ASCC3: variants seen among roughly 807,000 people sequenced by gnomAD.
ASCC3 encodes ASC-1 complex subunit P200.
Under a neutral mutation model 256.3 loss-of-function variants are expected in ASCC3, and 158 were observed. The observed-to-expected ratio is 0.62, with a 90% CI of 0.54 to 0.70. The LOEUF is 0.70. Ranked by LOEUF, ASCC3 falls within the 30% of genes least tolerant of loss-of-function variation. The probability of loss-of-function intolerance (pLI) is 0.00; values close to 1 mark genes in which losing one functional copy is unlikely to be tolerated. For missense variants in ASCC3, 2,259 were observed against 2,626.0 expected, an observed-to-expected ratio of 0.86 and a Z score of 3.05; for synonymous variants, 948 against 883.4, an observed-to-expected ratio of 1.07 and a Z score of -1.30.
At chr6:100,652,027 G>A (rs1377537477) in intron 18 of ASCC3, among the ~76,000 whole-genome samples, 1 of 151,998 alleles carries the variant, frequency 6.6e-6, no homozygotes, top group Non-Finnish European at 1.5e-5. Flanking sequence ...ATAAAATTCA[G>A]AGATGTATAT....
At chr6:100,825,273 A>AT (rs71028036) in intron 4 of ASCC3, among the ~76,000 whole-genome samples, 12,122 of 141,278 alleles carry the variant, frequency 0.086, 566 homozygotes, top group African/African-American at 0.1. Flanking sequence ...TTCTTTTGTG[A>AT]TTTTTTTTTT....
intron 10 of ASCC3, among the ~76,000 whole-genome samples, chr6:100,731,183 A>G (rs1053016168): frequency 1.3e-5 from 2 of 152,172 alleles, no homozygotes; most frequent in African/African-American, 4.8e-5. Flanking sequence ...AAATGCTGGG[A>G]ATTGGGGAGA....
rs1162182659 is a variant in ASCC3, at chr6:100,662,553, C to T, written c.2287-17G>A. The T allele has an allele frequency of 9.3e-6, 15 of 1,610,214 alleles. No individual in the cohort carries two copies. Among genetic ancestry groups the T allele is most frequent in the Admixed American group, 6.7e-5 (4 of 59,812 alleles). On this transcript the variant is annotated splice_polypyrimidine_tract_variant and intron_variant, in intron 14 of 41. Coordinates refer to ENST00000369162, the MANE Select transcript of ASCC3 (RefSeq NM_006828.4). ...CCTTTGTACCTAGATACCAAGAAAG[C>T]GTAAGAGTATTATTTAGCATTTAAA...
chr6:100,699,427 C>T (rs779770185), intron 13 of ASCC3, among the ~76,000 whole-genome samples: 1 of 152,102 alleles, frequency 6.6e-6, no homozygotes, highest in Non-Finnish European at 1.5e-5. Context: ...GCCTCCTCAG[C>T]CATGTGGAAC....
chr6:100,825,749 T>C (rs968327232), intron 4 of ASCC3, among the ~76,000 whole-genome samples: 6 of 152,144 alleles, frequency 3.9e-5, no homozygotes, highest in African/African-American at 1.4e-4. Flanking sequence ...CAATCAAATG[T>C]AGATTTGGTA....
intron 36 of ASCC3, among the ~76,000 whole-genome samples, chr6:100,580,718 G>A (rs1771182662): frequency 6.6e-6 from 1 of 151,000 alleles, no homozygotes; most frequent in Admixed American, 6.6e-5. Context: ...ATCTCCCAAT[G>A]CTATCCTTCT....
At chr6:100,737,217 T>C (rs1005728199) in intron 10 of ASCC3, among the ~76,000 whole-genome samples, 1 of 88,546 alleles carries the variant, frequency 1.1e-5, no homozygotes, top group African/African-American at 3.9e-5. Context: ...CATTCTATGA[T>C]CAGGACTCAA....
chr6:100,588,090 T>C (rs1281598412), intron 36 of ASCC3, among the ~76,000 whole-genome samples: 2 of 152,158 alleles, frequency 1.3e-5, no homozygotes, highest in African/African-American at 2.4e-5. Context: ...TCAGGGCCCA[T>C]ACTCTGGTGC....
intron 10 of ASCC3, among the ~76,000 whole-genome samples, chr6:100,748,511 T>C (rs1332942625): frequency 1.3e-5 from 2 of 152,056 alleles, no homozygotes; most frequent in Admixed American, 1.3e-4. Flanking sequence ...AAAATGTTTT[T>C]AAGGTAAATT....
intron 3 of ASCC3, among the ~76,000 whole-genome samples, chr6:100,861,502 G>A (rs1562352022): frequency 1.3e-5 from 2 of 152,086 alleles, no homozygotes; most frequent in Non-Finnish European, 2.9e-5. Context: ...TTTTCCACAT[G>A]AGACTAATCC....
intron 10 of ASCC3, among the ~76,000 whole-genome samples, chr6:100,741,821 C>T (rs74714648): frequency 0.015 from 2,211 of 152,266 alleles, 46 homozygotes; most frequent in African/African-American, 0.051. Context: ...TACTAGGCTA[C>T]AACATGCTCC....
intron 10 of ASCC3, among the ~76,000 whole-genome samples, chr6:100,757,995 C>G (rs896169821): frequency 6.6e-6 from 1 of 152,154 alleles, no homozygotes; most frequent in African/African-American, 2.4e-5. Context: ...TCCCAACTCA[C>G]TGTGTGTGAA....
chr6:100,700,164 A>G (rs1778283879), intron 13 of ASCC3, among the ~76,000 whole-genome samples: 1 of 151,972 alleles, frequency 6.6e-6, no homozygotes, highest in African/African-American at 2.4e-5. Context: ...AGGAGGAAAA[A>G]GTGGTTTTGT....
At chr6:100,640,494 G>A (rs1055077714) in intron 24 of ASCC3, among the ~76,000 whole-genome samples, 1 of 152,082 alleles carries the variant, frequency 6.6e-6, no homozygotes, top group Admixed American at 6.6e-5. Context: ...TTGGTCATTT[G>A]GCAGACAAAA....
In ASCC3 at chr6:100,637,492, G is replaced by C. The variant is rs543313795; in HGVS notation, c.4122+1109C>G. On this transcript the variant is annotated intron_variant, in intron 25 of 41. Coordinates refer to ENST00000369162, the MANE Select transcript of ASCC3 (RefSeq NM_006828.4). ...AACATAACATCTATTCTGTACTCCA[G>C]GGATATAGGGGTAATTTTGGCTTTC... Among the ~76,000 whole-genome samples, 7 of 152,242 alleles carry C rather than the reference G, an allele frequency of 4.6e-5. 1 individual carries two copies. The South Asian group carries it at 1.2e-3, about 27-fold the overall frequency.
chr6:100,660,045 TG>T (rs1562206023), intron 16 of ASCC3, among the ~76,000 whole-genome samples: 1 of 151,648 alleles, frequency 6.6e-6, no homozygotes, highest in East Asian at 1.9e-4. Flanking sequence ...TGCCTTTTAC[TG>T]TAAGTCAGAA....
At chr6:100,801,901 T>C (rs1399782606) in intron 5 of ASCC3, among the ~76,000 whole-genome samples, 1 of 150,274 alleles carries the variant, frequency 6.7e-6, no homozygotes, top group African/African-American at 2.5e-5. Flanking sequence ...TAAAAATGTA[T>C]TTATCAGAAA....
At chr6:100,863,861 G>C (rs560154786) in intron 3 of ASCC3, among the ~76,000 whole-genome samples, 81 of 152,048 alleles carry the variant, frequency 5.3e-4, no homozygotes, top group Non-Finnish European at 4.4e-4. Context: ...GGACTCAAGC[G>C]ATCTGCCTGC....
chr6:100,760,480 A>C (rs1242013940), intron 10 of ASCC3, among the ~76,000 whole-genome samples: 2 of 152,194 alleles, frequency 1.3e-5, no homozygotes, highest in Non-Finnish European at 2.9e-5. Flanking sequence ...GATGAAGCCA[A>C]CTTGATCGTT....
Sources: gnomAD v4.1 joint callset for allele counts (sites outside exome capture counted in the v4.1 genomes callset) on GRCh38, gnomAD v4.1.1 for gene constraint, MANE v1.5 for transcripts, NCBI Gene and HGNC (gene_info 2026-07-23, HGNC 2026-07-21) for gene names.